GSK3B: variants seen among roughly 807,000 people sequenced by gnomAD.
GSK3B encodes the protein glycogen synthase kinase-3 beta.
Under a neutral mutation model 56.4 loss-of-function variants are expected in GSK3B, and 15 were observed. That is an observed-to-expected ratio of 0.27 (90% CI 0.18 to 0.41). The LOEUF (loss-of-function observed/expected upper bound fraction) is 0.41, where lower values mean the gene tolerates loss of function less well. GSK3B is among the 10% of genes least tolerant of loss of function. The probability of loss-of-function intolerance (pLI) is 1.00; values close to 1 mark genes in which losing one functional copy is unlikely to be tolerated. For missense variants in GSK3B, 300 were observed against 513.4 expected (o/e 0.58, Z 4.02); for synonymous variants, 181 against 188.9 (o/e 0.96, Z 0.34).
chr3:120,079,411 T>G (rs1372895532), intron 1 of GSK3B, among the ~76,000 whole-genome samples: 1 of 151,866 alleles, frequency 6.6e-6, no homozygotes, highest in East Asian at 1.9e-4. Context: ...ATTTTTTTCT[T>G]TTTGAGACAG....
intron 2 of GSK3B, among the ~76,000 whole-genome samples, chr3:119,994,682 T>C (rs75667985): frequency 0.016 from 2,413 of 152,220 alleles, 62 homozygotes; most frequent in African/African-American, 0.055. Context: ...CTGAACCTAA[T>C]TATGAAGAAA....
At chr3:119,963,064 A>G (rs1360449220) in intron 2 of GSK3B, among the ~76,000 whole-genome samples, 2 of 152,122 alleles carry the variant, frequency 1.3e-5, no homozygotes, top group African/African-American at 4.8e-5. Flanking sequence ...ACAACAAACT[A>G]TCCAAAAAAA....
intron 1 of GSK3B, among the ~76,000 whole-genome samples, chr3:120,054,915 T>C (rs2058180642): frequency 6.6e-6 from 1 of 152,332 alleles, no homozygotes; most frequent in South Asian, 2.1e-4. Context: ...CTGGTATCCA[T>C]CTGGTCTTCC....
At chr3:120,020,483 A>G (rs115195714) in intron 1 of GSK3B, among the ~76,000 whole-genome samples, 3,934 of 152,260 alleles carry the variant, frequency 0.026, 173 homozygotes, top group African/African-American at 0.089. Flanking sequence ...TAATTTTTGC[A>G]GTACTTCAAA....
chr3:119,842,661 T>TAAC (rs2055791383), intron 10 of GSK3B, among the ~76,000 whole-genome samples: 1 of 152,182 alleles, frequency 6.6e-6, no homozygotes, highest in Non-Finnish European at 1.5e-5. Flanking sequence ...TCTCACTATG[T>TAAC]TGTCCAGGAT....
At chr3:119,990,674 AT>A in intron 2 of GSK3B, among the ~76,000 whole-genome samples, 1 of 152,200 alleles carries the variant, frequency 6.6e-6, no homozygotes, top group East Asian at 1.9e-4. Flanking sequence ...CACAATTGTA[AT>A]CCCAGCACTT....
chr3:120,002,110 G>A lies in GSK3B; in HGVS notation c.218C>T (p.Ala73Val). Residue 73 changes from alanine to valine, a missense_variant, in exon 2 of 11, where the codon GCC becomes GTC. By Grantham distance (64) the Ala-to-Val change is moderately conservative. Transcript: ENST00000264235. ...GNGSFGVVYQAKLCDSGELVA... is the reference protein window; with the variant it reads ...GNGSFGVVYQVKLCDSGELVA... ...CAGTTCTCCTGAATCACAAAGTTTG[G>A]CTTGATATACCACACCAAATGATCC... 6.2e-7 allele frequency: 1 copy of A among 1,610,152 alleles called. No individual in the cohort carries two copies. The highest frequency in any genetic ancestry group is 8.5e-7 in the Non-Finnish European group (1 of 1,178,362).
At chr3:120,075,655 C>T (rs2058361864) in intron 1 of GSK3B, among the ~76,000 whole-genome samples, 1 of 151,958 alleles carries the variant, frequency 6.6e-6, no homozygotes, top group African/African-American at 2.4e-5. Flanking sequence ...AAACAAAATA[C>T]TTAGGAATAA....
chr3:120,037,204 T>C (rs2058030483), intron 1 of GSK3B, among the ~76,000 whole-genome samples: 1 of 152,254 alleles, frequency 6.6e-6, no homozygotes, highest in South Asian at 2.1e-4. Context: ...GACCCTTGTT[T>C]ATCTTACTGG....
At chr3:120,015,649 C>CA (rs61520236) in intron 1 of GSK3B, among the ~76,000 whole-genome samples, 502 of 46,948 alleles carry the variant, frequency 0.011, 71 homozygotes, top group South Asian at 0.019. Flanking sequence ...GACTCTGTCT[C>CA]AAAAAAAAAA....
intron 1 of GSK3B, among the ~76,000 whole-genome samples, chr3:120,006,525 C>T (rs2057729428): frequency 6.6e-6 from 1 of 152,110 alleles, no homozygotes; most frequent in African/African-American, 2.4e-5. Flanking sequence ...TAAAGCACTC[C>T]TCAGCAAATG....
intron 2 of GSK3B, among the ~76,000 whole-genome samples, chr3:119,949,472 C>T (rs2057132755): frequency 6.6e-6 from 1 of 152,042 alleles, no homozygotes; most frequent in Non-Finnish European, 1.5e-5. Context: ...GTGGGCTTGG[C>T]ATATTCAAGA....
At chr3:119,853,945 T>C (rs958384630) in intron 9 of GSK3B, among the ~76,000 whole-genome samples, 1 of 152,212 alleles carries the variant, frequency 6.6e-6, no homozygotes, top group Non-Finnish European at 1.5e-5. Context: ...GGCCAGAACT[T>C]CCAACGCTAT....
intron 1 of GSK3B, chr3:120,029,434 G>A: frequency 9.7e-6 from 7 of 723,168 alleles, no homozygotes; most frequent in Middle Eastern, 3.3e-4. Flanking sequence ...GTGGAGCTTC[G>A]CCTCCAGCAC....
chr3:119,874,362 A>AT (rs2056283425), intron 8 of GSK3B, among the ~76,000 whole-genome samples: 1 of 152,126 alleles, frequency 6.6e-6, no homozygotes, highest in Non-Finnish European at 1.5e-5. Flanking sequence ...TAAGAGGTTA[A>AT]CAACAATAAC....
At chr3:119,883,562 C>A (rs1389048102) in intron 7 of GSK3B, among the ~76,000 whole-genome samples, 1 of 152,162 alleles carries the variant, frequency 6.6e-6, no homozygotes, top group Non-Finnish European at 1.5e-5. Context: ...TCTGTCACTA[C>A]TCAACTCTGC....
At position 120,058,803 on chromosome 3, in the gene GSK3B, AG is replaced by A. The variant is rs1289735313; in HGVS notation, c.88+34543del. On this transcript the variant is annotated intron_variant, in intron 1 of 10. Transcript: ENST00000264235. ...GGTGGGCAGATTACCTGAGCTCAGG[AG>A]TTCAAGACCAGACTGGGCAACATGG... Among the ~76,000 whole-genome samples the A allele has an allele frequency of 5.9e-5, 9 of 152,252 alleles. No homozygotes were observed. In the East Asian group the frequency reaches 1.7e-3, roughly 29 times the overall value.
At chr3:119,936,741 T>C (rs900714277) in intron 3 of GSK3B, among the ~76,000 whole-genome samples, 8 of 151,782 alleles carry the variant, frequency 5.3e-5, no homozygotes, top group African/African-American at 1.7e-4. Flanking sequence ...CCCCAATACA[T>C]GAAACAAAGA....
intron 1 of GSK3B, among the ~76,000 whole-genome samples, chr3:120,007,132 C>T (rs191946838): frequency 2.1e-3 from 327 of 152,280 alleles, no homozygotes; most frequent in Non-Finnish European, 3.4e-3. Flanking sequence ...ATACTATAAA[C>T]ACCTCTACGC....
Sources: gnomAD v4.1 joint callset for allele counts (sites outside exome capture counted in the v4.1 genomes callset) on GRCh38, gnomAD v4.1.1 for gene constraint, MANE v1.5 for transcripts, NCBI Gene and HGNC (gene_info 2026-07-23, HGNC 2026-07-21) for gene names.